Variants in SNTG2 observed in about 807,000 individuals in gnomAD.
The protein encoded by SNTG2 is syntrophin gamma 2, also known as gamma-2-syntrophin.
SNTG2 carries 74 observed loss-of-function variants against 70.9 expected under a neutral mutation model. That is an observed-to-expected ratio of 1.04 (90% CI 0.86 to 1.27). SNTG2 has a LOEUF of 1.27. SNTG2 is among the 50% of genes most tolerant of loss of function. The pLI, the probability that SNTG2 is intolerant of heterozygous loss-of-function variation, is 0.00. For synonymous variants in SNTG2, 278 were observed against 273.8 expected (o/e 1.02, Z -0.15); for missense variants, 717 against 690.7 (o/e 1.04, Z -0.43).
chr2:1,226,299 G>T (rs111337873), intron 9 of SNTG2, among the ~76,000 whole-genome samples: 62 of 152,334 alleles, frequency 4.1e-4, no homozygotes, highest in African/African-American at 1.4e-3. Flanking sequence ...CACAATGTGT[G>T]TTTCTCAAAA....
Position 1,098,430 on chromosome 2 carries a change from C to A in SNTG2, c.325+20C>A. On this transcript the variant is annotated intron_variant, in intron 4 of 16. Coordinates refer to ENST00000308624, the MANE Select transcript of SNTG2 (RefSeq NM_018968.4). ...AAGCAGGTAAAAACAGCCAAAATGA[C>A]CTGTGTATGCATCACAGCCATTTGT... 1 of 1,611,300 alleles carries A rather than the reference C, an allele frequency of 6.2e-7. No individual in the cohort carries two copies. Among genetic ancestry groups the A allele is most frequent in the East Asian group, 2.2e-5 (1 of 44,854 alleles).
chr2:1,113,201 C>G (rs1157523796), intron 4 of SNTG2, among the ~76,000 whole-genome samples: 1 of 146,870 alleles, frequency 6.8e-6, no homozygotes, highest in Non-Finnish European at 1.5e-5. Context: ...TGAGAAGGAT[C>G]GTGTGTACTG....
At chr2:1,110,096 T>C (rs796534438) in intron 4 of SNTG2, among the ~76,000 whole-genome samples, 50 of 152,128 alleles carry the variant, frequency 3.3e-4, no homozygotes, top group African/African-American at 1.1e-3. Context: ...ATATACTACA[T>C]TTGGTGGGGA....
At chr2:1,055,111 A>G (rs1419293553) in intron 1 of SNTG2, among the ~76,000 whole-genome samples, 1 of 152,154 alleles carries the variant, frequency 6.6e-6, no homozygotes, top group Non-Finnish European at 1.5e-5. Flanking sequence ...GTGTGTTGCT[A>G]TAAATGCTGT....
At chr2:1,229,148 G>T (rs758764790) in intron 9 of SNTG2, among the ~76,000 whole-genome samples, 1 of 152,108 alleles carries the variant, frequency 6.6e-6, no homozygotes, top group Non-Finnish European at 1.5e-5. Context: ...GGACCGGAGC[G>T]GGTTGCCACT....
At chr2:1,050,756 C>T (rs1662011576) in intron 1 of SNTG2, among the ~76,000 whole-genome samples, 1 of 152,092 alleles carries the variant, frequency 6.6e-6, no homozygotes, top group Non-Finnish European at 1.5e-5. Flanking sequence ...ATGTAGATTA[C>T]TTAGGGGAGA....
At position 1,209,171 on chromosome 2, in the gene SNTG2, G is replaced by A; in HGVS notation, c.660G>A (p.Leu220=). The change falls in exon 9 of 17, where the codon TTG becomes TTA. Residue 220 remains leucine, a synonymous_variant. Transcript: ENST00000308624. ...PRYEKRWLDT[L]SVPLSMARIS... is the part of the protein sequence containing the mutation. ...ATGAGAAGCGCTGGCTGGACACCTT[G>A]TCCGTGCCTCTGTCCATGGCTCGCA... The A allele has an allele frequency of 1.9e-6, 3 of 1,613,958 alleles. No individual in the cohort carries two copies. Among genetic ancestry groups the A allele is most frequent in the Non-Finnish European group, 2.5e-6 (3 of 1,179,904 alleles).
rs35500323 is a variant in SNTG2 at position 1,307,435 on chromosome 2, C to CTGTGTGTGTG, written c.1285-1045_1285-1036dup. 1.2e-3 allele frequency among the ~76,000 whole-genome samples: 161 copies of CTGTGTGTGTG among 138,698 alleles called. 2 individuals are homozygous for CTGTGTGTGTG. Among genetic ancestry groups the CTGTGTGTGTG allele is most frequent in the African/African-American group, 4.0e-3 (152 of 37,552 alleles). 91.0% of individuals were successfully genotyped at this position (138,698 alleles called of 152,430 possible). On this transcript the variant is annotated intron_variant, in intron 14 of 16. Coordinates refer to ENST00000308624, the MANE Select transcript of SNTG2 (RefSeq NM_018968.4). ...GTGTGTGGTGTGTGTGAGCCGTGTACTGTGTGTGTGTGTGTGTGTGTGTAT... is the reference window on the plus strand; with the variant it reads ...GTGTGTGGTGTGTGTGAGCCGTGTACTGTGTGTGTGTGTGTGTGTGTGTGTGTGTGTGTAT...
intron 14 of SNTG2, among the ~76,000 whole-genome samples, chr2:1,269,570 G>T: frequency 6.6e-6 from 1 of 152,102 alleles, no homozygotes; most frequent in East Asian, 1.9e-4. Context: ...GCTGGGGTTG[G>T]ACTTTAATGG....
At chr2:1,052,779 G>A (rs761582091) in intron 1 of SNTG2, among the ~76,000 whole-genome samples, 5 of 152,170 alleles carry the variant, frequency 3.3e-5, no homozygotes, top group Non-Finnish European at 5.9e-5. Context: ...CACAGGCGGT[G>A]GACCTGAATG....
chr2:1,122,722 C>CAAA (rs60163290), intron 4 of SNTG2, among the ~76,000 whole-genome samples: 1 of 121,936 alleles, frequency 8.2e-6, no homozygotes, highest in Admixed American at 8.0e-5. Context: ...AGCAATCAGA[C>CAAA]AAAAAAAAAA....
chr2:1,020,034 C>G (rs1322020658), intron 1 of SNTG2, among the ~76,000 whole-genome samples: 2 of 152,166 alleles, frequency 1.3e-5, no homozygotes, highest in Admixed American at 6.5e-5. Context: ...CAGAGCGAGA[C>G]TCCATCTCAA....
At position 1,275,465 on chromosome 2, in the gene SNTG2, C is replaced by T. The variant is rs187501913; in HGVS notation, c.1284+7894C>T. Among the ~76,000 whole-genome samples, 34 of 152,238 alleles carry T rather than the reference C, an allele frequency of 2.2e-4. No individual in the cohort carries two copies. In the East Asian group the frequency reaches 2.9e-3, roughly 13 times the overall value. On this transcript the variant is annotated intron_variant, in intron 14 of 16. Coordinates refer to ENST00000308624, the MANE Select transcript of SNTG2 (RefSeq NM_018968.4). The stretch of plus-strand genomic sequence containing the variant: ...TTTTCATTATCACTATATCTGTCAC[C>T]GTGATATGTGTTCAGTTTTTGTTGT...
chr2:1,263,750 C>G (rs566960436), intron 13 of SNTG2, among the ~76,000 whole-genome samples: 21 of 152,296 alleles, frequency 1.4e-4, no homozygotes, highest in African/African-American at 5.1e-4. Context: ...GATGTGAGCC[C>G]TGCATGCTGG....
At chr2:1,226,621 A>G (rs1675798280) in intron 9 of SNTG2, among the ~76,000 whole-genome samples, 1 of 151,986 alleles carries the variant, frequency 6.6e-6, no homozygotes, top group Non-Finnish European at 1.5e-5. Flanking sequence ...CAGCTTGTGA[A>G]GGACACTCTT....
intron 9 of SNTG2, among the ~76,000 whole-genome samples, chr2:1,214,151 G>T (rs1674223881): frequency 6.6e-6 from 1 of 152,096 alleles, no homozygotes; most frequent in South Asian, 2.1e-4. Flanking sequence ...GATTATTATA[G>T]CTTTATAATA....
At chr2:1,084,062 AAAAG>A (rs1664522639) in intron 2 of SNTG2, among the ~76,000 whole-genome samples, 1 of 152,144 alleles carries the variant, frequency 6.6e-6, no homozygotes, top group African/African-American at 2.4e-5. Context: ...GAAAAAAAGA[AAAAG>A]AAATACCCCC....
chr2:1,077,280 C>T (rs1156414394), intron 1 of SNTG2, among the ~76,000 whole-genome samples: 1 of 152,204 alleles, frequency 6.6e-6, no homozygotes, highest in Admixed American at 6.5e-5. Context: ...TGCGTTCACA[C>T]ACACCTGCCA....
chr2:1,222,103 CTG>C (rs1491390871), intron 9 of SNTG2, among the ~76,000 whole-genome samples: 3 of 67,866 alleles, frequency 4.4e-5, no homozygotes, highest in Non-Finnish European at 9.2e-5. Flanking sequence ...CTGTCTCTCT[CTG>C]TCTCTCTCTG....
Sources: allele counts gnomAD v4.1 joint callset (sites outside exome capture counted in the v4.1 genomes callset), GRCh38; gene constraint gnomAD v4.1.1; transcripts MANE v1.5; gene names NCBI Gene and HGNC (gene_info 2026-07-23, HGNC 2026-07-21).